The following SLC7A5 variants were observed in gnomAD, a reference collection of about 807,000 sequenced individuals.
SLC7A5 encodes solute carrier family 7 member 5.
Under a neutral mutation model 50.2 loss-of-function variants are expected in SLC7A5, and 23 were observed. The ratio of observed to expected loss-of-function variants is 0.46; its 90% CI spans 0.33 to 0.65. The LOEUF is 0.65. Ranked by LOEUF, SLC7A5 falls within the 30% of genes least tolerant of loss-of-function variation. The pLI is 0.02. For synonymous variants in SLC7A5, 393 were observed against 330.6 expected, an observed-to-expected ratio of 1.19 and a Z score of -2.05; for missense variants, 578 against 684.4, an observed-to-expected ratio of 0.84 and a Z score of 1.73.
At chr16:87,834,370 C>T in intron 9 of SLC7A5, 44 bp downstream of exon 9, 1 of 1,546,128 alleles carries the variant, frequency 6.5e-7, no homozygotes, top group Non-Finnish European at 8.8e-7. Context: ...CTTCGCTGCC[C>T]AGGGCAGAGG....
In SLC7A5 at chr16:87,840,412, T is replaced by C. The variant is rs1364047679; in HGVS notation, c.815+17A>G. On this transcript the variant is annotated intron_variant, in intron 4 of 9. Transcript: ENST00000261622. ...AAAATAATGAAAAAAGACGGCTCCA[T>C]CCATTCTTGCACGTACCTGTAGGGG... 1 of 1,603,260 alleles carries C rather than the reference T, an allele frequency of 6.2e-7. No homozygotes were observed. The highest frequency in any genetic ancestry group is 1.1e-5 in the South Asian group (1 of 90,900).
At chr16:87,845,736 G>C (rs2143759695) in intron 2 of SLC7A5, among the ~76,000 whole-genome samples, 2 of 152,284 alleles carry the variant, frequency 1.3e-5, no homozygotes, top group African/African-American at 4.8e-5. Flanking sequence ...CCTTTGCTTA[G>C]AGCTGCCAAC....
intron 1 of SLC7A5, among the ~76,000 whole-genome samples, chr16:87,856,149 T>G (rs1408573250): frequency 6.6e-6 from 1 of 152,138 alleles, no homozygotes; most frequent in Admixed American, 6.6e-5. Flanking sequence ...TTCTGTCATT[T>G]TCAGACCCAA....
chr16:87,859,178 C>T (rs551345255), intron 1 of SLC7A5, among the ~76,000 whole-genome samples: 2 of 152,338 alleles, frequency 1.3e-5, no homozygotes, highest in South Asian at 2.1e-4. Flanking sequence ...CGCCTGGCTC[C>T]GGGCCACACA....
chr16:87,832,877 T>C lies in SLC7A5; in HGVS notation c.*93A>G. 9.9e-7 allele frequency: 1 copy of C among 1,011,722 alleles called. No individual in the cohort carries two copies. The highest frequency in any genetic ancestry group is 1.6e-6 in the Non-Finnish European group (1 of 634,850). 62.7% of individuals were successfully genotyped at this position (1,011,722 alleles called of 1,614,324 possible). ...GAGGGACTGGGATGGGCAGCTGAGC[T>C]GTGGGTTGCGGGGAACCGGAGTGGG... On this transcript the variant is annotated 3_prime_UTR_variant, in exon 10 of 10. Transcript: ENST00000261622. The surrounding 1 kb of genome is among the most constrained non-coding windows in gnomAD (Gnocchi z 4.6).
Position 87,864,019 on chromosome 16 carries a change from G to C in SLC7A5, c.538+4866C>G, listed in dbSNP as rs555474999. On this transcript the variant is annotated intron_variant, in intron 1 of 9. Transcript: ENST00000261622. ...TATATATATATATATCAGCCGAGTA[G>C]GCTGACTCACGCCTGTAATCCCAGC... Among the ~76,000 whole-genome samples the C allele has an allele frequency of 7.1e-3, 171 of 24,068 alleles. 1 individual carries two copies. The highest frequency in any genetic ancestry group is 0.028 in the Middle Eastern group (1 of 36). 15.8% of individuals were successfully genotyped at this position (24,068 alleles called of 152,430 possible).
chr16:87,843,970 T>G (rs1054468425), intron 2 of SLC7A5, among the ~76,000 whole-genome samples: 1 of 151,324 alleles, frequency 6.6e-6, no homozygotes, highest in Middle Eastern at 3.2e-3. Context: ...TGGGCAGGAC[T>G]GGAAGGAATG....
At chr16:87,835,004 A>G (rs1387136621) in intron 8 of SLC7A5, among the ~76,000 whole-genome samples, 1 of 152,266 alleles carries the variant, frequency 6.6e-6, no homozygotes, top group Non-Finnish European at 1.5e-5. Flanking sequence ...CGCTGTGGAC[A>G]GCGCTGAGCA....
chr16:87,839,598 G>A, intron 5 of SLC7A5, 104 bp downstream of exon 5: 1 of 1,558,196 alleles, frequency 6.4e-7, no homozygotes. Context: ...GGCCCCCTCT[G>A]CGTAGGGGAG....
rs998218845 is a variant in SLC7A5, at chr16:87,869,480, G to C, written c.-58C>G. The C allele has an allele frequency of 8.6e-6, 10 of 1,168,752 alleles. No homozygotes were observed. The highest frequency in any genetic ancestry group is 6.3e-6 in the Non-Finnish European group (6 of 945,956). 72.4% of individuals were successfully genotyped at this position (1,168,752 alleles called of 1,614,324 possible). ...GGAGCCGCGGCCCAGCGAGCAGTGT[G>C]CGCGCCGCCCGCCGCCCGCAGCTGC... On this transcript the variant is annotated 5_prime_UTR_variant, in exon 1 of 10. Transcript: ENST00000261622.
At chr16:87,845,788 G>A (rs2055145975) in intron 2 of SLC7A5, among the ~76,000 whole-genome samples, 1 of 152,170 alleles carries the variant, frequency 6.6e-6, no homozygotes, top group Non-Finnish European at 1.5e-5. Flanking sequence ...CCACAGGCGG[G>A]GAAAGACCCT....
intron 4 of SLC7A5, 104 bp downstream of exon 4, chr16:87,840,325 T>C (rs2055067141): frequency 2.8e-6 from 3 of 1,068,122 alleles, no homozygotes; most frequent in Non-Finnish European, 4.4e-6. Context: ...GGCCCGACTG[T>C]GAACTGGCCT....
intron 1 of SLC7A5, among the ~76,000 whole-genome samples, chr16:87,867,216 A>G (rs772555129): frequency 4.6e-5 from 7 of 152,206 alleles, no homozygotes; most frequent in Non-Finnish European, 1.0e-4. Flanking sequence ...CATCACACCC[A>G]GCCAACCAGG....
chr16:87,846,700 ACT>A (rs2143764261), intron 2 of SLC7A5, among the ~76,000 whole-genome samples: 1 of 150,772 alleles, frequency 6.6e-6, no homozygotes, highest in South Asian at 2.1e-4. Flanking sequence ...CCTCTCACCG[ACT>A]CTCCCGCCGG....
chr16:87,868,394 T>G (rs2055490206), intron 1 of SLC7A5, among the ~76,000 whole-genome samples: 1 of 152,194 alleles, frequency 6.6e-6, no homozygotes, highest in South Asian at 2.1e-4. Flanking sequence ...ACTACTGTTT[T>G]CTTATGAGTC....
chr16:87,868,145 AAAAAG>A (rs2055487152), intron 1 of SLC7A5, among the ~76,000 whole-genome samples: 1 of 151,864 alleles, frequency 6.6e-6, no homozygotes, highest in Non-Finnish European at 1.5e-5. Context: ...AAAGAAAAAG[AAAAAG>A]AAAACTATTT....
chr16:87,853,749 A>T lies in SLC7A5; in HGVS notation c.539-1900T>A, dbSNP rs72814363. 7 of 152,198 alleles carry T rather than the reference A, an allele frequency of 4.6e-5. No individual in the cohort carries two copies. Among genetic ancestry groups the T allele is most frequent in the Non-Finnish European group, 8.8e-5 (6 of 67,994 alleles). 9.4% of individuals were successfully genotyped at this position (152,198 alleles called of 1,614,324 possible). A position where few individuals can be genotyped will look rare whatever the true frequency, so the allele number is the denominator to read the frequency against. On this transcript the variant is annotated intron_variant, in intron 1 of 9. Coordinates refer to ENST00000261622, the MANE Select transcript of SLC7A5 (RefSeq NM_003486.7). The surrounding 1 kb of genome is among the most constrained non-coding windows in gnomAD (Gnocchi z 4.4). ...TCGCAAGAGGCCGGCTGATTGCATC[A>T]CTCGCTCATTCATGCCCGGAGGGAG...
intron 1 of SLC7A5, among the ~76,000 whole-genome samples, chr16:87,856,521 C>CCCAGT (rs2055323176): frequency 6.6e-6 from 1 of 152,226 alleles, no homozygotes; most frequent in Admixed American, 6.5e-5. Flanking sequence ...ACCAGCCCAG[C>CCCAGT]CCAGTCCCGC....
chr16:87,869,493 C>G lies in SLC7A5; in HGVS notation c.-71G>C. The G allele has an allele frequency of 1.8e-6, 2 of 1,119,890 alleles. No individual in the cohort carries two copies. The highest frequency in any genetic ancestry group is 2.2e-6 in the Non-Finnish European group (2 of 910,144). 69.4% of individuals were successfully genotyped at this position (1,119,890 alleles called of 1,614,324 possible). A position where few individuals can be genotyped will look rare whatever the true frequency, so the allele number is the denominator to read the frequency against. On this transcript the variant is annotated 5_prime_UTR_variant, in exon 1 of 10. Transcript: ENST00000261622. ...AGCGAGCAGTGTGCGCGCCGCCCGC[C>G]GCCCGCAGCTGCGTCAGGAACCCCG...
Sources: allele counts gnomAD v4.1 joint callset (sites outside exome capture counted in the v4.1 genomes callset), GRCh38; gene constraint gnomAD v4.1.1; non-coding constraint Gnocchi (gnomAD v3.1); transcripts MANE v1.5; gene names NCBI Gene and HGNC (gene_info 2026-07-23, HGNC 2026-07-21).